Variants in FAM227B observed in about 807,000 individuals in gnomAD.
The protein encoded by FAM227B is family with sequence similarity 227 member B, also known as protein FAM227B.
A neutral mutation model predicts 73.8 loss-of-function variants in FAM227B; 88 were observed. The observed-to-expected ratio is 1.19, with a 90% CI of 1.00 to 1.42. The LOEUF is 1.42. FAM227B is among the 40% of genes most tolerant of loss of function. The pLI, the probability that FAM227B is intolerant of heterozygous loss-of-function variation, is 0.00. For synonymous variants in FAM227B, 210 were observed against 190.5 expected, an observed-to-expected ratio of 1.10 and a Z score of -0.84; for missense variants, 632 against 590.9, an observed-to-expected ratio of 1.07 and a Z score of -0.72.
intron 5 of FAM227B, among the ~76,000 whole-genome samples, chr15:49,586,238 A>T (rs2076153679): frequency 6.6e-6 from 1 of 152,142 alleles, no homozygotes; most frequent in African/African-American, 2.4e-5. Flanking sequence ...AAGGCCACAC[A>T]TCTACAACTA....
intron 3 of FAM227B, among the ~76,000 whole-genome samples, chr15:49,607,208 G>T (rs1199367888): frequency 1.3e-5 from 2 of 152,064 alleles, no homozygotes; most frequent in African/African-American, 4.8e-5. Context: ...ATAATACCCA[G>T]TGCTTAACAC....
chr15:49,367,698 G>C, intron 12 of FAM227B, 90 bp from the exon 13 acceptor site: 1 of 1,204,814 alleles, frequency 8.3e-7, no homozygotes. Context: ...TTAGCATAAA[G>C]TTACCATTTG....
At chr15:49,482,728 A>G (rs566797662) in intron 11 of FAM227B, among the ~76,000 whole-genome samples, 1 of 152,228 alleles carries the variant, frequency 6.6e-6, no homozygotes, top group Non-Finnish European at 1.5e-5. Flanking sequence ...TGATCTGTAA[A>G]ACTGGGATAA....
intron 10 of FAM227B, among the ~76,000 whole-genome samples, chr15:49,510,240 A>T (rs1272339573): frequency 1.3e-5 from 2 of 152,112 alleles, no homozygotes; most frequent in African/African-American, 4.8e-5. Context: ...TATAATTTTC[A>T]TTGTGTGAAT....
intron 11 of FAM227B, among the ~76,000 whole-genome samples, chr15:49,493,396 C>T (rs1435835649): frequency 6.6e-6 from 1 of 151,864 alleles, no homozygotes; most frequent in East Asian, 1.9e-4. Context: ...ATCCTTAGAC[C>T]ATTGTTCTCA....
intron 11 of FAM227B, among the ~76,000 whole-genome samples, chr15:49,438,639 A>T (rs186795451): frequency 1.4e-4 from 22 of 151,866 alleles, no homozygotes; most frequent in Admixed American, 1.4e-3. Context: ...ATAATACTGT[A>T]TCATATATTA....
chr15:49,566,631 T>C (rs1036000529), intron 9 of FAM227B, among the ~76,000 whole-genome samples: 3 of 152,192 alleles, frequency 2.0e-5, no homozygotes, highest in African/African-American at 7.2e-5. Context: ...CCTCACTTAT[T>C]TGAATTAGTT....
At chr15:49,370,016 A>G (rs1181275412) in intron 12 of FAM227B, among the ~76,000 whole-genome samples, 2 of 152,212 alleles carry the variant, frequency 1.3e-5, no homozygotes, top group African/African-American at 2.4e-5. Flanking sequence ...TCTCTCTGCC[A>G]TATGAGGACA....
intron 11 of FAM227B, among the ~76,000 whole-genome samples, chr15:49,503,512 C>T (rs8040260): frequency 0.89 from 134,853 of 152,140 alleles, 61,134 homozygotes; most frequent in Non-Finnish European, 0.98. Flanking sequence ...GAGAAAATTT[C>T]TGCAATCTAC....
intron 5 of FAM227B, among the ~76,000 whole-genome samples, chr15:49,582,134 T>A (rs950888843): frequency 6.6e-6 from 1 of 152,184 alleles, no homozygotes; most frequent in African/African-American, 2.4e-5. Context: ...ATATCAATAC[T>A]AACTTTGAAT....
chr15:49,437,397 A>T (rs1038158705), intron 11 of FAM227B, among the ~76,000 whole-genome samples: 3 of 151,638 alleles, frequency 2.0e-5, no homozygotes, highest in African/African-American at 2.4e-5. Context: ...TCTTTTGTCC[A>T]TGTCCTTAGT....
chr15:49,540,550 G>A (rs2070922554), intron 10 of FAM227B, among the ~76,000 whole-genome samples: 1 of 152,112 alleles, frequency 6.6e-6, no homozygotes, highest in African/African-American at 2.4e-5. Context: ...CCACCGTGTT[G>A]CTCATATCAT....
At chr15:49,371,275 T>C (rs772270991) in intron 12 of FAM227B, 27 bp downstream of exon 12, 3 of 1,412,904 alleles carry the variant, frequency 2.1e-6, no homozygotes, top group Non-Finnish European at 3.0e-6. Flanking sequence ...AAGTAAGAAA[T>C]TTTTTCATAA....
intron 11 of FAM227B, chr15:49,484,248 G>A (rs560303879): frequency 5.2e-5 from 65 of 1,246,884 alleles, no homozygotes; most frequent in Non-Finnish European, 6.8e-5. Context: ...CTTACTCTTC[G>A]TTTAATTGAG....
chr15:49,399,504 C>G (rs1475759080), intron 11 of FAM227B, among the ~76,000 whole-genome samples: 1 of 147,864 alleles, frequency 6.8e-6, no homozygotes, highest in Non-Finnish European at 1.5e-5. Flanking sequence ...TTTTATGAGG[C>G]CAGCATCATT....
chr15:49,548,052 C>G (rs773750727), intron 9 of FAM227B, among the ~76,000 whole-genome samples: 2 of 152,150 alleles, frequency 1.3e-5, no homozygotes, highest in African/African-American at 2.4e-5. Context: ...AATTCCAGTA[C>G]TATGTTGAAC....
rs951915516 is a variant in FAM227B at position 49,620,681 on chromosome 15, A to G, written c.-73+19T>C. 2 of 152,208 alleles carry G rather than the reference A, an allele frequency of 1.3e-5. No individual in the cohort carries two copies. The highest frequency in any genetic ancestry group is 1.9e-4 in the East Asian group (1 of 5,190). 9.4% of individuals were successfully genotyped at this position (152,208 alleles called of 1,614,324 possible). On this transcript the variant is annotated intron_variant, in intron 1 of 15. Transcript: ENST00000299338. The stretch of plus-strand genomic sequence containing the variant: ...AAATGCAAACTTTTCTCTGGGATCA[A>G]CATTTCTTCACAACTCACTGCAACT...
At chr15:49,465,379 G>T (rs2054177353) in intron 11 of FAM227B, among the ~76,000 whole-genome samples, 1 of 150,136 alleles carries the variant, frequency 6.7e-6, no homozygotes, top group Admixed American at 6.7e-5. Context: ...CAAGTGATCT[G>T]CCCACCTCGG....
intron 11 of FAM227B, among the ~76,000 whole-genome samples, chr15:49,502,286 T>A (rs570346192): frequency 6.6e-6 from 1 of 152,278 alleles, no homozygotes; most frequent in African/African-American, 2.4e-5. Flanking sequence ...ACCCTGAATC[T>A]GAAAAAGCCA....
Sources: gnomAD v4.1 joint callset for allele counts (sites outside exome capture counted in the v4.1 genomes callset) on GRCh38, gnomAD v4.1.1 for gene constraint, MANE v1.5 for transcripts, NCBI Gene and HGNC (gene_info 2026-07-23, HGNC 2026-07-21) for gene names.